Variants in MRPL35 observed in about 807,000 individuals in gnomAD.
MRPL35 encodes the protein mitochondrial ribosomal protein L35.
In MRPL35, 18 loss-of-function variants were observed where a neutral mutation model predicts 21.6. The observed-to-expected ratio is 0.83, with a 90% CI of 0.58 to 1.24. The LOEUF is 1.24. Ranked by LOEUF, MRPL35 falls within the 50% of genes most tolerant of loss-of-function variation. MRPL35 has a pLI of 0.00. For synonymous variants in MRPL35, 87 were observed against 86.9 expected (o/e 1.00, Z -0.01); for missense variants, 223 against 223.2 (o/e 1.00, Z 0.01).
chr2:86,200,559 CCTGGTTTTGA>C (rs2105832495), intron 1 of MRPL35, among the ~76,000 whole-genome samples: 1 of 152,278 alleles, frequency 6.6e-6, no homozygotes, highest in African/African-American at 2.4e-5. Flanking sequence ...CATAGTTTTG[CCTGGTTTTGA>C]ACTTCACATG....
At position 86,206,240 on chromosome 2, in the gene MRPL35, CT is replaced by C. The variant is rs1673787202; in HGVS notation, c.180del (p.Thr61ProfsTer7). ...QTPVVSSTPR[L>X]TTSERNLTCG... ...ACCAGTTGTTTCCTCCACTCCCAGACTTACCACATCTGAGAGAAACCTGACA... is the reference window on the plus strand; with the variant it reads ...ACCAGTTGTTTCCTCCACTCCCAGACTACCACATCTGAGAGAAACCTGACA... On this transcript the variant is annotated frameshift_variant, in exon 2 of 4. Coordinates refer to ENST00000337109, the MANE Select transcript of MRPL35 (RefSeq NM_016622.4). LOFTEE classifies it high-confidence loss of function. The C allele has an allele frequency of 1.2e-6, 2 of 1,613,674 alleles. No homozygotes were observed. Among genetic ancestry groups the C allele is most frequent in the Non-Finnish European group, 8.5e-7 (1 of 1,179,558 alleles).
rs763107905 is a variant in MRPL35 at position 86,199,490 on chromosome 2, G to A, written c.-1G>A. 2 of 1,614,170 alleles carry A rather than the reference G, an allele frequency of 1.2e-6. No homozygotes were observed. Among genetic ancestry groups the A allele is most frequent in the Admixed American group, 1.7e-5 (1 of 60,034 alleles). ...AGCGGCCGCCGTAGGCGAAGGTGAAGATGGCTGCCTCTGCCTTTGCTGGTG... is the reference window on the plus strand; with the variant it reads ...AGCGGCCGCCGTAGGCGAAGGTGAAAATGGCTGCCTCTGCCTTTGCTGGTG... On this transcript the variant is annotated 5_prime_UTR_variant, in exon 1 of 4. Coordinates refer to ENST00000337109, the MANE Select transcript of MRPL35 (RefSeq NM_016622.4).
intron 1 of MRPL35, among the ~76,000 whole-genome samples, chr2:86,200,292 T>C (rs112984051): frequency 0.019 from 2,920 of 151,854 alleles, 84 homozygotes; most frequent in African/African-American, 0.066. Context: ...TTATGTGGAG[T>C]ATTTTTTGTG....
chr2:86,203,103 G>A (rs570911492), intron 1 of MRPL35, among the ~76,000 whole-genome samples: 1 of 138,586 alleles, frequency 7.2e-6, no homozygotes, highest in East Asian at 2.0e-4. Flanking sequence ...TTTTTGAGAC[G>A]GAGTCCCGCT....
chr2:86,204,608 T>C (rs1438410622), intron 1 of MRPL35, among the ~76,000 whole-genome samples: 1 of 152,120 alleles, frequency 6.6e-6, no homozygotes, highest in African/African-American at 2.4e-5. Context: ...GAACTATTAG[T>C]CTGGCCATAG....
chr2:86,202,904 G>C (rs997672078), intron 1 of MRPL35, among the ~76,000 whole-genome samples: 1 of 151,354 alleles, frequency 6.6e-6, no homozygotes, highest in Non-Finnish European at 1.5e-5. Flanking sequence ...TGGCCAAGCT[G>C]GTCGCAAACT....
At position 86,211,178 on chromosome 2, in the gene MRPL35, G is replaced by C. The variant is rs1266082297; in HGVS notation, c.*510G>C. 2.0e-6 allele frequency: 2 copies of C among 983,246 alleles called. No individual in the cohort carries two copies. The highest frequency in any genetic ancestry group is 3.5e-5 in the African/African-American group (2 of 57,160). The allele number at this position is 983,246 out of a possible 1,614,324, so 60.9% of individuals were successfully genotyped here. ...CATGTGACTTGCTTCTTTTTGCATT[G>C]TTAACTCCATTCTCTCTATTCACCA... On this transcript the variant is annotated 3_prime_UTR_variant, in exon 4 of 4. Coordinates refer to ENST00000337109, the MANE Select transcript of MRPL35 (RefSeq NM_016622.4).
Position 86,199,538 on chromosome 2 carries a change from G to C in MRPL35, c.43+5G>C. On this transcript the variant is annotated splice_donor_5th_base_variant and intron_variant, in intron 1 of 3. Transcript: ENST00000337109. ...GTGCAGTGAGAGCAGCTTCAGGTCAGTGGAGAGCGACATACTCCATGCATG... is the reference window on the plus strand; with the variant it reads ...GTGCAGTGAGAGCAGCTTCAGGTCACTGGAGAGCGACATACTCCATGCATG... 1 of 1,614,170 alleles carries C rather than the reference G, an allele frequency of 6.2e-7. No individual in the cohort carries two copies. Among genetic ancestry groups the C allele is most frequent in the Non-Finnish European group, 8.5e-7 (1 of 1,180,042 alleles).
At chr2:86,204,974 C>T (rs1358238489) in intron 1 of MRPL35, among the ~76,000 whole-genome samples, 1 of 152,188 alleles carries the variant, frequency 6.6e-6, no homozygotes, top group Non-Finnish European at 1.5e-5. Flanking sequence ...CACGGTGGCT[C>T]ACACCTGTAA....
chr2:86,207,353 T>A (rs951674966), intron 3 of MRPL35, 26 bp downstream of exon 3: 1 of 1,595,508 alleles, frequency 6.3e-7, no homozygotes, highest in Non-Finnish European at 8.5e-7. Context: ...GTTACTAAAT[T>A]GAAAAAGGAA....
rs1173347310 is a variant in MRPL35, at chr2:86,210,806, A to G, written c.*138A>G. ...CATACAGTGACAACATTAAACTTAGAAAAGTTTTAAAACTTAATGGATCAG... is the reference window on the plus strand; with the variant it reads ...CATACAGTGACAACATTAAACTTAGGAAAGTTTTAAAACTTAATGGATCAG... On this transcript the variant is annotated 3_prime_UTR_variant, in exon 4 of 4. Coordinates refer to ENST00000337109, the MANE Select transcript of MRPL35 (RefSeq NM_016622.4). 39 of 1,332,000 alleles carry G rather than the reference A, an allele frequency of 2.9e-5. No individual in the cohort carries two copies. The highest frequency in any genetic ancestry group is 3.8e-5 in the Non-Finnish European group (39 of 1,037,858). The allele number at this position is 1,332,000 out of a possible 1,614,324, so 82.5% of individuals were successfully genotyped here. A position where few individuals can be genotyped will look rare whatever the true frequency, so the allele number is the denominator to read the frequency against.
At chr2:86,210,446 A>G (rs1486348293) in intron 3 of MRPL35, 34 bp from the exon 4 acceptor site, 1 of 1,561,848 alleles carries the variant, frequency 6.4e-7, no homozygotes, top group Non-Finnish European at 8.7e-7. Flanking sequence ...CATACATAGT[A>G]TGATGTTTTA....
chr2:86,210,207 T>C (rs1324369989), intron 3 of MRPL35, among the ~76,000 whole-genome samples: 2 of 152,222 alleles, frequency 1.3e-5, no homozygotes, highest in Non-Finnish European at 2.9e-5. Context: ...CACACACATT[T>C]AGTTTTATTT....
chr2:86,211,072 C>T lies in MRPL35; in HGVS notation c.*404C>T. On this transcript the variant is annotated 3_prime_UTR_variant, in exon 4 of 4. Coordinates refer to ENST00000337109, the MANE Select transcript of MRPL35 (RefSeq NM_016622.4). The stretch of plus-strand genomic sequence containing the variant: ...AACCCCATCTCCCACTCAGAAATCA[C>T]CTCCCAGCCTCAGGAAGAGTAGAAA... 5.1e-6 allele frequency: 5 copies of T among 988,478 alleles called. No individual in the cohort carries two copies. The highest frequency in any genetic ancestry group is 6.0e-6 in the Non-Finnish European group (5 of 831,930). 61.2% of individuals were successfully genotyped at this position (988,478 alleles called of 1,614,324 possible).
chr2:86,204,647 C>T (rs1054365098), intron 1 of MRPL35, among the ~76,000 whole-genome samples: 7 of 152,050 alleles, frequency 4.6e-5, no homozygotes, highest in African/African-American at 1.7e-4. Context: ...GGACTGCATC[C>T]GGACCACACA....
At chr2:86,202,931 C>A (rs1673717883) in intron 1 of MRPL35, among the ~76,000 whole-genome samples, 1 of 151,866 alleles carries the variant, frequency 6.6e-6, no homozygotes, top group African/African-American at 2.4e-5. Context: ...CTCAGGTGAT[C>A]CGCCGGGGCC....
rs1673962519 is a variant in MRPL35 at position 86,213,700 on chromosome 2, T to C, written c.*3032T>C. ...TGGACCAAACGTCTGTTTGCACAAT[T>C]GAAACTCTACCAGTGGACTATTCTA... On this transcript the variant is annotated 3_prime_UTR_variant, in exon 4 of 4. Transcript: ENST00000337109. 1 of 1,543,318 alleles carries C rather than the reference T, an allele frequency of 6.5e-7. No homozygotes were observed. Among genetic ancestry groups the C allele is most frequent in the East Asian group, 2.4e-5 (1 of 40,880 alleles).
At chr2:86,205,830 C>G (rs1490296705) in intron 1 of MRPL35, among the ~76,000 whole-genome samples, 3 of 152,190 alleles carry the variant, frequency 2.0e-5, no homozygotes, top group Admixed American at 6.5e-5. Context: ...CATCTCTTTT[C>G]TTAGTACTGG....
intron 3 of MRPL35, 79 bp from the exon 4 acceptor site, chr2:86,210,401 C>G: frequency 1.8e-6 from 2 of 1,114,036 alleles, no homozygotes; most frequent in Non-Finnish European, 1.2e-6. Flanking sequence ...CTTATTGGGT[C>G]TATAAACCTT....
Sources: allele counts gnomAD v4.1 joint callset (sites outside exome capture counted in the v4.1 genomes callset), GRCh38; gene constraint gnomAD v4.1.1; transcripts MANE v1.5; gene names NCBI Gene and HGNC (gene_info 2026-07-23, HGNC 2026-07-21).